Variants in STARD9 observed in about 807,000 individuals in gnomAD.
STARD9 encodes StAR related lipid transfer domain containing 9.
Under a neutral mutation model 399.8 loss-of-function variants are expected in STARD9, and 346 were observed. That is an observed-to-expected ratio of 0.87 (90% CI 0.79 to 0.95). STARD9 has a LOEUF of 0.95. STARD9 is among the 40% of genes least tolerant of loss of function. STARD9 has a pLI of 0.00. For missense variants in STARD9, 5,832 were observed against 5,667.5 expected, an observed-to-expected ratio of 1.03 and a Z score of -0.93; for synonymous variants, 2,203 against 2,143.5, an observed-to-expected ratio of 1.03 and a Z score of -0.77.
intron 15 of STARD9, among the ~76,000 whole-genome samples, chr15:42,668,363 T>C: frequency 6.6e-6 from 1 of 152,028 alleles, no homozygotes; most frequent in East Asian, 1.9e-4. Flanking sequence ...AGAGAAGCAC[T>C]TAGCTAAATC....
chr15:42,716,561 G>A (rs1292986636), intron 26 of STARD9, 116 bp from the exon 27 acceptor site: 1 of 682,390 alleles, frequency 1.5e-6, no homozygotes, highest in African/African-American at 1.8e-5. Context: ...TTCCCATCTG[G>A]GAAGACCTTT....
intron 3 of STARD9, among the ~76,000 whole-genome samples, chr15:42,607,394 G>A (rs973212356): frequency 2.6e-5 from 4 of 150,970 alleles, no homozygotes; most frequent in Non-Finnish European, 5.9e-5. Flanking sequence ...GTAGAGATGG[G>A]GTTTCACCAT....
chr15:42,654,077 T>A (rs1447149127), intron 9 of STARD9, among the ~76,000 whole-genome samples: 1 of 152,144 alleles, frequency 6.6e-6, no homozygotes, highest in Admixed American at 6.5e-5. Context: ...AATACAATTT[T>A]AAAAATCAAC....
chr15:42,581,734 T>G (rs1209770403), intron 1 of STARD9, among the ~76,000 whole-genome samples: 1 of 152,236 alleles, frequency 6.6e-6, no homozygotes, highest in Non-Finnish European at 1.5e-5. Flanking sequence ...TTTTTGTTTT[T>G]TGTTTTTAAG....
chr15:42,651,209 C>A, intron 8 of STARD9, 124 bp downstream of exon 8: 1 of 591,508 alleles, frequency 1.7e-6, no homozygotes, highest in Non-Finnish European at 2.8e-6. Flanking sequence ...TGTTCACAAC[C>A]AGGAGGCTCT....
intron 26 of STARD9, among the ~76,000 whole-genome samples, chr15:42,711,505 C>A (rs1188209832): frequency 3.3e-5 from 5 of 152,152 alleles, no homozygotes; most frequent in Non-Finnish European, 7.4e-5. Context: ...CCAGTACTAT[C>A]TTATATTAAC....
intron 16 of STARD9, 124 bp downstream of exon 16, chr15:42,669,461 T>C (rs966625894): frequency 3.2e-5 from 29 of 897,160 alleles, no homozygotes; most frequent in African/African-American, 2.6e-4. Context: ...CAGAGCTGCC[T>C]TCAGGTTTGC....
intron 9 of STARD9, among the ~76,000 whole-genome samples, chr15:42,660,685 G>T (rs1012723238): frequency 2.0e-5 from 3 of 152,018 alleles, no homozygotes; most frequent in Non-Finnish European, 2.9e-5. Context: ...CTTCTTGGGG[G>T]CTGGATGGCG....
chr15:42,652,289 G>A (rs771536493), intron 8 of STARD9, among the ~76,000 whole-genome samples: 3 of 151,876 alleles, frequency 2.0e-5, no homozygotes, highest in African/African-American at 4.8e-5. Context: ...AAAAGTTTCA[G>A]TGTAGTTTAG....
intron 3 of STARD9, among the ~76,000 whole-genome samples, chr15:42,597,743 G>A (rs1300042529): frequency 1.3e-5 from 2 of 151,974 alleles, no homozygotes; most frequent in Non-Finnish European, 2.9e-5. Flanking sequence ...CACCATGTTG[G>A]CCAGGCTGGT....
intron 9 of STARD9, among the ~76,000 whole-genome samples, chr15:42,660,950 T>G (rs1289778457): frequency 4.3e-5 from 6 of 139,236 alleles, no homozygotes; most frequent in Non-Finnish European, 9.2e-5. Flanking sequence ...TTTTTTGTTT[T>G]GTTTTTTTTT....
rs2060743135 is a variant in STARD9 at position 42,692,783 on chromosome 15, C to T, written c.11205C>T (p.Gly3735=). 2 of 1,537,186 alleles carry T rather than the reference C, an allele frequency of 1.3e-6. No individual in the cohort carries two copies. Among genetic ancestry groups the T allele is most frequent in the Non-Finnish European group, 1.7e-6 (2 of 1,146,908 alleles). ...CTACTCAGACCACTGTGGATGAGGG[C>T]AGCCAGACTGACCTCACCTTACCCA... is the stretch of plus-strand genomic sequence containing the variant. The part of the protein sequence containing the change: ...DGSTQTTVDE[G]SQTDLTLPTL... Residue 3735 remains glycine (G), a synonymous_variant, in exon 23 of 33, where the codon GGC becomes GGT. Coordinates refer to ENST00000290607, the MANE Select transcript of STARD9 (RefSeq NM_020759.3).
chr15:42,590,194 C>T (rs1330102118), intron 3 of STARD9, among the ~76,000 whole-genome samples: 5 of 149,978 alleles, frequency 3.3e-5, no homozygotes, highest in Admixed American at 3.3e-4. Context: ...AACTCCTGGG[C>T]TCAAACGATC....
At chr15:42,656,327 TAAAAAAAAAAAAAAAAA>T (rs869264641) in intron 9 of STARD9, among the ~76,000 whole-genome samples, 10,170 of 34,686 alleles carry the variant, frequency 0.29, 629 homozygotes, top group South Asian at 0.36. Context: ...AGCCATCTCC[TAAAAAAAAAAAAAAAAA>T]AAAAAAAAAA....
chr15:42,652,956 A>G (rs1165617772), intron 9 of STARD9, among the ~76,000 whole-genome samples: 1 of 152,168 alleles, frequency 6.6e-6, no homozygotes, highest in Admixed American at 6.5e-5. Flanking sequence ...GGCATTACAG[A>G]TGGGAGCCAT....
At chr15:42,701,182 T>C (rs568599364) in intron 26 of STARD9, among the ~76,000 whole-genome samples, 13 of 152,286 alleles carry the variant, frequency 8.5e-5, no homozygotes, top group African/African-American at 2.9e-4. Context: ...TGAAGTCAGG[T>C]ACTGTGATGC....
intron 7 of STARD9, among the ~76,000 whole-genome samples, chr15:42,646,880 T>A (rs2059656491): frequency 6.6e-6 from 1 of 152,216 alleles, no homozygotes; most frequent in East Asian, 1.9e-4. Context: ...CTTGGACACT[T>A]AAAGGCCATT....
At chr15:42,581,294 A>G in intron 1 of STARD9, 1 of 1,130,622 alleles carries the variant, frequency 8.8e-7, no homozygotes, top group East Asian at 2.4e-5. Flanking sequence ...GAGCCATGGA[A>G]GAACTGCGAA....
At position 42,652,566 on chromosome 15, in the gene STARD9, G is replaced by A. The variant is rs1446080285; in HGVS notation, c.676G>A (p.Ala226Thr). Residue 226 changes from alanine (A) to threonine (T), a missense_variant, in exon 9 of 33, where the codon GCC (alanine) becomes ACC (threonine). Coordinates refer to ENST00000290607, the MANE Select transcript of STARD9 (RefSeq NM_020759.3). ...TCATGAGGCCAGCAGCAGATCCCAC[G>A]CCATTTTCACGATCCACTACACGCA... ...HVHEASSRSH[A>T]IFTIHYTQAI... 9 of 1,537,014 alleles carry A rather than the reference G, an allele frequency of 5.9e-6. No homozygotes were observed. In the East Asian group the frequency reaches 7.3e-5, roughly 13 times the overall value.
Sources: allele counts gnomAD v4.1 joint callset (sites outside exome capture counted in the v4.1 genomes callset), GRCh38; gene constraint gnomAD v4.1.1; transcripts MANE v1.5; gene names NCBI Gene and HGNC (gene_info 2026-07-23, HGNC 2026-07-21).